The following MED13L variants were observed in gnomAD, a reference collection of about 807,000 sequenced individuals.
MED13L encodes the protein mediator complex subunit 13L.
Under a neutral mutation model 220.9 loss-of-function variants are expected in MED13L, and 7 were observed. The ratio of observed to expected loss-of-function variants is 0.03; its 90% CI spans 0.02 to 0.06. The LOEUF is 0.06. Among genes scored for constraint, MED13L ranks in the 10% least tolerant of loss-of-function variants. The probability of loss-of-function intolerance (pLI) is 1.00; values close to 1 mark genes in which losing one functional copy is unlikely to be tolerated. For missense variants in MED13L, 1,965 were observed against 2,760.5 expected (o/e 0.71, Z 6.46); for synonymous variants, 1,011 against 1,015.2 (o/e 1.00, Z 0.08).
chr12:116,058,654 G>T (rs1566035501), intron 4 of MED13L, among the ~76,000 whole-genome samples: 1 of 152,172 alleles, frequency 6.6e-6, no homozygotes, highest in Non-Finnish European at 1.5e-5. Flanking sequence ...GCAGAGATAA[G>T]TTGCTAATCT....
intron 2 of MED13L, among the ~76,000 whole-genome samples, chr12:116,184,399 C>A (rs1054458171): frequency 6.6e-6 from 1 of 151,960 alleles, no homozygotes; most frequent in Non-Finnish European, 1.5e-5. Flanking sequence ...GTTTGTACAA[C>A]AATGAAGAGA....
At chr12:116,088,932 A>G (rs1426297749) in intron 4 of MED13L, among the ~76,000 whole-genome samples, 1 of 152,134 alleles carries the variant, frequency 6.6e-6, no homozygotes, top group Non-Finnish European at 1.5e-5. Flanking sequence ...GAAAAATCTA[A>G]CCCATATTCA....
At chr12:116,166,213 G>A (rs1011393042) in intron 2 of MED13L, among the ~76,000 whole-genome samples, 2 of 151,878 alleles carry the variant, frequency 1.3e-5, no homozygotes, top group African/African-American at 4.8e-5. Context: ...CTAATACTGA[G>A]TGTCAACTTG....
chr12:116,058,333 T>G (rs373694621), intron 4 of MED13L, among the ~76,000 whole-genome samples: 10 of 152,300 alleles, frequency 6.6e-5, no homozygotes, highest in African/African-American at 2.4e-4. Flanking sequence ...TGCTTCCATG[T>G]GTTTATTTCA....
intron 3 of MED13L, chr12:116,110,143 C>T (rs1873953593): frequency 1.3e-5 from 2 of 152,138 alleles, no homozygotes; most frequent in African/African-American, 4.8e-5. Context: ...CCTCAAAACA[C>T]TATTCAGAGC....
chr12:115,961,670 G>A (rs1239477977), intron 30 of MED13L: 6 of 486,144 alleles, frequency 1.2e-5, no homozygotes, highest in Admixed American at 3.3e-5. Context: ...GTAGGCACTG[G>A]AGCCCAAACA....
intron 22 of MED13L, among the ~76,000 whole-genome samples, chr12:115,981,325 T>A (rs1877314622): frequency 6.6e-6 from 1 of 152,180 alleles, no homozygotes; most frequent in Non-Finnish European, 1.5e-5. Context: ...TATTACCTAA[T>A]CATTTAGGAT....
intron 4 of MED13L, among the ~76,000 whole-genome samples, chr12:116,032,473 C>T (rs1437880227): frequency 6.6e-6 from 1 of 152,176 alleles, no homozygotes; most frequent in Non-Finnish European, 1.5e-5. Context: ...AACACCCAGC[C>T]CCAGTTACCC....
At chr12:116,252,305 C>T (rs1202973986) in intron 1 of MED13L, among the ~76,000 whole-genome samples, 1 of 152,086 alleles carries the variant, frequency 6.6e-6, no homozygotes, top group Non-Finnish European at 1.5e-5. Context: ...AAGGAGAAAT[C>T]TGTGGCTCTA....
rs1352032739 is a variant in MED13L at position 116,234,834 on chromosome 12, T to A, written c.310+2634A>T. ...CACCACACCTGGCTAATTTTTTTTT[T>A]TTATTTTTTGTAAACACAGGGTTTC... On this transcript the variant is annotated intron_variant, in intron 2 of 30. Transcript: ENST00000281928. 1.3e-5 allele frequency among the ~76,000 whole-genome samples: 2 copies of A among 152,124 alleles called. 1 individual carries two copies. Among genetic ancestry groups the A allele is most frequent in the South Asian group, 4.1e-4 (2 of 4,820 alleles).
chr12:116,009,160 T>A (rs765222139), intron 9 of MED13L, 28 bp from the exon 10 acceptor site: 1 of 1,612,942 alleles, frequency 6.2e-7, no homozygotes, highest in Non-Finnish European at 8.5e-7. Flanking sequence ...AATTACATCA[T>A]TATAACATTA....
At chr12:116,215,438 C>A (rs1324304456) in intron 2 of MED13L, among the ~76,000 whole-genome samples, 5 of 152,170 alleles carry the variant, frequency 3.3e-5, no homozygotes, top group Non-Finnish European at 7.4e-5. Flanking sequence ...ATCAAACATC[C>A]TCTTAACCTG....
chr12:116,272,335 G>C (rs1289745671), intron 1 of MED13L, among the ~76,000 whole-genome samples: 1 of 152,160 alleles, frequency 6.6e-6, no homozygotes, highest in Non-Finnish European at 1.5e-5. Flanking sequence ...GGCCGAGGCA[G>C]GCGGATCACA....
chr12:115,991,446 G>A lies in MED13L; in HGVS notation c.3508C>T (p.Arg1170Cys). Residue 1170 changes from arginine to cysteine, a missense_variant, in exon 17 of 31, where the codon CGC becomes TGC. Arg to Cys is a radical substitution (Grantham distance 180, BLOSUM62 -3). Transcript: ENST00000281928. The surrounding 1 kb of genome is among the most constrained non-coding windows in gnomAD (Gnocchi z 7.7). ...CTCGFSAIMNRKLGYNSGLFL... is the reference protein window; with the variant it reads ...CTCGFSAIMNCKLGYNSGLFL... ...AGTCCTGAATTGTAGCCAAGTTTGC[G>A]GTTCATAATCGCACTAAACCCACAG... 6.2e-7 allele frequency: 1 copy of A among 1,614,058 alleles called. No individual in the cohort carries two copies. Among genetic ancestry groups the A allele is most frequent in the Non-Finnish European group, 8.5e-7 (1 of 1,180,014 alleles).
intron 1 of MED13L, among the ~76,000 whole-genome samples, chr12:116,264,301 G>C (rs138176254): frequency 3.8e-4 from 58 of 152,192 alleles, no homozygotes; most frequent in Non-Finnish European, 6.6e-4. Context: ...GGCCTACTTT[G>C]AACAATACTC....
intron 4 of MED13L, among the ~76,000 whole-genome samples, chr12:116,088,534 A>T (rs1310750356): frequency 6.6e-6 from 1 of 152,124 alleles, no homozygotes; most frequent in Admixed American, 6.6e-5. Flanking sequence ...GAGATCAGGG[A>T]TGCTGCTGAA....
intron 3 of MED13L, among the ~76,000 whole-genome samples, chr12:116,097,239 A>C (rs1565875762): frequency 6.6e-6 from 1 of 151,714 alleles, no homozygotes; most frequent in Non-Finnish European, 1.5e-5. Context: ...GCCACCCCCC[A>C]GGTTCAAGTG....
chr12:116,071,785 C>T (rs1269011455), intron 4 of MED13L, among the ~76,000 whole-genome samples: 1 of 151,532 alleles, frequency 6.6e-6, no homozygotes, highest in East Asian at 1.9e-4. Context: ...TACATTACAC[C>T]CAGTCTGGGC....
chr12:116,208,031 C>T (rs1218443008), intron 2 of MED13L, among the ~76,000 whole-genome samples: 3 of 152,156 alleles, frequency 2.0e-5, no homozygotes, highest in African/African-American at 4.8e-5. Context: ...AGTTAAGAGT[C>T]GTGTCAAAAC....
Sources: allele counts gnomAD v4.1 joint callset (sites outside exome capture counted in the v4.1 genomes callset), GRCh38; gene constraint gnomAD v4.1.1; non-coding constraint Gnocchi (gnomAD v3.1); transcripts MANE v1.5; gene names NCBI Gene and HGNC (gene_info 2026-07-23, HGNC 2026-07-21).